ADD3: variants seen among roughly 807,000 people sequenced by gnomAD.
ADD3 encodes the protein gamma-adducin.
ADD3 carries 25 observed loss-of-function variants against 80.2 expected under a neutral mutation model. The ratio of observed to expected loss-of-function variants is 0.31; its 90% CI spans 0.23 to 0.44. ADD3 has a LOEUF of 0.44. ADD3 is among the 20% of genes least tolerant of loss of function. The pLI is 1.00. For synonymous variants in ADD3, 284 were observed against 289.6 expected, an observed-to-expected ratio of 0.98 and a Z score of 0.20; for missense variants, 829 against 847.5, an observed-to-expected ratio of 0.98 and a Z score of 0.27.
intron 1 of ADD3, among the ~76,000 whole-genome samples, chr10:110,025,584 T>TAAAG (rs60500608): frequency 0.93 from 141,665 of 152,016 alleles, 66,227 homozygotes; most frequent in Non-Finnish European, 0.97. Context: ...CAAATAGAAA[T>TAAAG]AGAGAGGGTG....
intron 1 of ADD3, among the ~76,000 whole-genome samples, chr10:109,999,706 ATAT>A (rs1226748187): frequency 6.6e-6 from 1 of 152,190 alleles, no homozygotes; most frequent in African/African-American, 2.4e-5. Flanking sequence ...GCTATAACAA[ATAT>A]TATTTTCCTC....
chr10:110,070,648 C>T (rs1178376534), intron 1 of ADD3, among the ~76,000 whole-genome samples: 1 of 152,028 alleles, frequency 6.6e-6, no homozygotes, highest in Non-Finnish European at 1.5e-5. Flanking sequence ...TCTATCATGC[C>T]ACTGAGTATA....
intron 1 of ADD3, among the ~76,000 whole-genome samples, chr10:110,025,767 G>A (rs763805832): frequency 6.6e-6 from 1 of 151,976 alleles, no homozygotes; most frequent in Admixed American, 6.6e-5. Flanking sequence ...ATTACATTAC[G>A]AGCCATCTTA....
At chr10:110,054,813 A>T (rs1232739949) in intron 1 of ADD3, among the ~76,000 whole-genome samples, 1 of 151,880 alleles carries the variant, frequency 6.6e-6, no homozygotes, top group East Asian at 1.9e-4. Context: ...ACAGGGTTTC[A>T]CCGTGTTAGC....
At chr10:110,033,179 AT>A (rs1410143514) in intron 1 of ADD3, among the ~76,000 whole-genome samples, 1 of 152,210 alleles carries the variant, frequency 6.6e-6, no homozygotes, top group African/African-American at 2.4e-5. Flanking sequence ...ATTTTGATAT[AT>A]TCATAGTAAT....
intron 1 of ADD3, among the ~76,000 whole-genome samples, chr10:110,031,062 G>A (rs973136112): frequency 3.3e-5 from 5 of 152,204 alleles, no homozygotes; most frequent in African/African-American, 1.2e-4. Flanking sequence ...GATCACCTGA[G>A]GTCGGGAGTT....
intron 1 of ADD3, among the ~76,000 whole-genome samples, chr10:110,010,368 TAAG>T (rs2132946822): frequency 6.6e-6 from 1 of 152,300 alleles, no homozygotes; most frequent in South Asian, 2.1e-4. Context: ...CATCAGAGTA[TAAG>T]AAGTGTTTGA....
chr10:110,058,689 A>G (rs1264580178), intron 1 of ADD3, among the ~76,000 whole-genome samples: 1 of 152,198 alleles, frequency 6.6e-6, no homozygotes, highest in African/African-American at 2.4e-5. Context: ...TCTCTTTTCT[A>G]AACACACCAT....
rs67149777 is a variant in ADD3 at position 110,065,488 on chromosome 10, G to GTC, written c.-29-35114_-29-35113dup. On this transcript the variant is annotated intron_variant, in intron 1 of 14. Transcript: ENST00000356080. ...TCTTAGTGTGTGTCTGTCTCTGTCT[G>GTC]TCTCTCTCTCTCTCTCTCTCTCTCA... 5.7e-4 allele frequency among the ~76,000 whole-genome samples: 62 copies of GTC among 108,544 alleles called. 1 individual carries two copies. The highest frequency in any genetic ancestry group is 1.7e-3 in the Admixed American group (16 of 9,358). The allele number at this position is 108,544 out of a possible 152,430, so 71.2% of individuals were successfully genotyped here. A position where few individuals can be genotyped will look rare whatever the true frequency, so the allele number is the denominator to read the frequency against.
At chr10:110,115,384 C>T (rs942519334) in intron 3 of ADD3, among the ~76,000 whole-genome samples, 3 of 146,960 alleles carry the variant, frequency 2.0e-5, no homozygotes, top group East Asian at 1.9e-4. Context: ...AGTGAAACTC[C>T]GTCTCAAAAA....
At chr10:110,120,175 C>T (rs929762574) in intron 8 of ADD3, among the ~76,000 whole-genome samples, 2 of 149,828 alleles carry the variant, frequency 1.3e-5, no homozygotes, top group African/African-American at 4.9e-5. Flanking sequence ...CTGCACCCAC[C>T]AACTCGTCAT....
Position 110,133,721 on chromosome 10 carries a change from A to T in ADD3, c.*103A>T, listed in dbSNP as rs1364037368. 3.0e-6 allele frequency: 3 copies of T among 996,368 alleles called. No homozygotes were observed. In the Admixed American group the frequency reaches 9.5e-5, roughly 31 times the overall value. 61.7% of individuals were successfully genotyped at this position (996,368 alleles called of 1,614,324 possible). A position where few individuals can be genotyped will look rare whatever the true frequency, so the allele number is the denominator to read the frequency against. ...ATGCAATGGTAGATCAGATTGGGGG[A>T]TGTAGCAAACTGGACTTTAAGAACT... On this transcript the variant is annotated 3_prime_UTR_variant, in exon 15 of 15. Transcript: ENST00000356080.
chr10:110,108,991 C>A (rs1025258668), intron 2 of ADD3, among the ~76,000 whole-genome samples: 3 of 152,168 alleles, frequency 2.0e-5, no homozygotes, highest in African/African-American at 7.2e-5. Context: ...CGCTCTATGA[C>A]ACCATAGCTA....
intron 1 of ADD3, among the ~76,000 whole-genome samples, chr10:110,086,687 C>T (rs1319913362): frequency 2.6e-5 from 4 of 152,192 alleles, no homozygotes; most frequent in African/African-American, 9.7e-5. Flanking sequence ...TTCCCCTTCA[C>T]CTTTCTGCCA....
intron 10 of ADD3, among the ~76,000 whole-genome samples, chr10:110,124,804 G>A (rs1245669223): frequency 6.6e-5 from 10 of 152,152 alleles, no homozygotes; most frequent in African/African-American, 2.2e-4. Context: ...GTTTGGTTTG[G>A]TTTTGGAGTG....
In ADD3 at chr10:110,130,963, A is replaced by G. The variant is rs543746552; in HGVS notation, c.1732+477A>G. On this transcript the variant is annotated intron_variant, in intron 13 of 14. Transcript: ENST00000356080. The stretch of plus-strand genomic sequence containing the variant: ...AGATGAGTAAAGAATTACTAGCCAA[A>G]GTAGATGTAGATAAATTAATGGATT... Among the ~76,000 whole-genome samples the G allele has an allele frequency of 2.0e-5, 3 of 152,316 alleles. No homozygotes were observed. In the South Asian group the frequency reaches 6.2e-4, roughly 32 times the overall value.
chr10:110,122,352 C>T, intron 9 of ADD3, 60 bp downstream of exon 9: 8 of 1,491,276 alleles, frequency 5.4e-6, no homozygotes, highest in South Asian at 3.8e-5. Context: ...AGAGCAGATG[C>T]TTCCATTTTT....
chr10:110,056,126 G>C (rs1201278503), intron 1 of ADD3, among the ~76,000 whole-genome samples: 1 of 152,186 alleles, frequency 6.6e-6, no homozygotes, highest in African/African-American at 2.4e-5. Flanking sequence ...GTGTTAATGA[G>C]ATAACTAGCT....
chr10:109,996,747 C>T (rs533307964), intron 1 of ADD3, among the ~76,000 whole-genome samples: 1 of 152,304 alleles, frequency 6.6e-6, no homozygotes, highest in Admixed American at 6.5e-5. Flanking sequence ...TTAGTAGAAA[C>T]TATGAAATAA....
Sources: allele counts gnomAD v4.1 joint callset (sites outside exome capture counted in the v4.1 genomes callset), GRCh38; gene constraint gnomAD v4.1.1; transcripts MANE v1.5; gene names NCBI Gene and HGNC (gene_info 2026-07-23, HGNC 2026-07-21).